The following DST variants were observed in gnomAD, a reference collection of about 807,000 sequenced individuals.
DST encodes the protein dystonin, also known as bullous pemphigoid antigen.
A neutral mutation model predicts 875.2 loss-of-function variants in DST; 253 were observed. The observed-to-expected ratio is 0.29, with a 90% confidence interval of 0.26 to 0.32. The LOEUF (loss-of-function observed/expected upper bound fraction) is 0.32, where lower values mean the gene tolerates loss of function less well. Ranked by LOEUF, DST falls within the 10% of genes least tolerant of loss-of-function variation. DST has a pLI of 1.00. For synonymous variants in DST, 3,124 were observed against 3,197.1 expected (o/e 0.98, Z 0.77); for missense variants, 8,287 against 9,111.6 (o/e 0.91, Z 3.68).
intron 96 of DST, 39 bp downstream of exon 96, chr6:56,470,089 T>C (rs1414965481): frequency 6.2e-7 from 1 of 1,608,898 alleles, no homozygotes; most frequent in Non-Finnish European, 8.5e-7. Flanking sequence ...TGGCAGAACA[T>C]ACTATCAGTG....
At chr6:56,615,676 C>A (rs1282511085) in intron 36 of DST, 1 of 1,614,070 alleles carries the variant, frequency 6.2e-7, no homozygotes. Context: ...TGACATATGA[C>A]TTTTGATCTT....
intron 36 of DST, chr6:56,615,863 A>G (rs1304100475): frequency 1.2e-6 from 2 of 1,614,094 alleles, no homozygotes; most frequent in South Asian, 2.2e-5. Flanking sequence ...CACTGACATC[A>G]TTTTGTTAGT....
chr6:56,690,843 A>G (rs980165144), intron 9 of DST, among the ~76,000 whole-genome samples: 2 of 152,208 alleles, frequency 1.3e-5, no homozygotes, highest in Non-Finnish European at 2.9e-5. Flanking sequence ...CCAAGGTAAC[A>G]GGAAGAATGT....
At position 56,463,630 on chromosome 6, in the gene DST, T is replaced by A; in HGVS notation, c.22894A>T (p.Thr7632Ser). ...TGCGCAGCCTGACTGGACACAGAAGTGGATCTGTTGGGTGAAGCGCCTCGT... is the reference window on the plus strand; with the variant it reads ...TGCGCAGCCTGACTGGACACAGAAGAGGATCTGTTGGGTGAAGCGCCTCGT... ...SSRGASPNRS[T>S]SVSSQAAQAA... Residue 7632 changes from threonine to serine, a missense_variant, in exon 101 of 104, where the codon ACT (threonine) becomes TCT (serine). Physicochemically the swap from Thr to Ser is moderately conservative, Grantham distance 58. Coordinates refer to ENST00000680361, the MANE Select transcript of DST (RefSeq NM_001374736.1). 6.2e-7 allele frequency: 1 copy of A among 1,613,476 alleles called. No individual in the cohort carries two copies. Among genetic ancestry groups the A allele is most frequent in the Non-Finnish European group, 8.5e-7 (1 of 1,179,554 alleles).
At chr6:56,562,351 T>C (rs2097549431) in intron 55 of DST, among the ~76,000 whole-genome samples, 151 bp from the exon 56 acceptor site, 1 of 152,026 alleles carries the variant, frequency 6.6e-6, no homozygotes, top group African/African-American at 2.4e-5. Flanking sequence ...AATGTAAATA[T>C]CAAACAATAT....
intron 49 of DST, among the ~76,000 whole-genome samples, chr6:56,586,265 T>C (rs1360458489): frequency 6.6e-6 from 1 of 151,650 alleles, no homozygotes; most frequent in Non-Finnish European, 1.5e-5. Context: ...ACTTGCTTTA[T>C]GAATCTGGGT....
At chr6:56,669,504 G>C (rs2099088952) in intron 10 of DST, among the ~76,000 whole-genome samples, 1 of 151,288 alleles carries the variant, frequency 6.6e-6, no homozygotes, top group African/African-American at 2.4e-5. Context: ...GCTGAGGCAG[G>C]AGAATCGCTT....
At chr6:56,778,445 C>T (rs144611902) in intron 4 of DST, among the ~76,000 whole-genome samples, 3 of 148,842 alleles carry the variant, frequency 2.0e-5, no homozygotes, top group Non-Finnish European at 4.4e-5. Flanking sequence ...AGGTTAGTTA[C>T]ATATGTATAC....
intron 10 of DST, among the ~76,000 whole-genome samples, chr6:56,658,348 C>T (rs80251726): frequency 0.078 from 11,859 of 152,268 alleles, 1,475 homozygotes; most frequent in African/African-American, 0.26. Context: ...GGACACACAT[C>T]CTGCAACCTG....
At chr6:56,618,605 T>C (rs1260509797) in intron 36 of DST, 1 of 1,614,082 alleles carries the variant, frequency 6.2e-7, no homozygotes. Flanking sequence ...TTGTTCACGA[T>C]ACTGTTGAAG....
intron 78 of DST, among the ~76,000 whole-genome samples, chr6:56,502,823 C>A (rs2096180500): frequency 1.3e-5 from 2 of 152,028 alleles, no homozygotes; most frequent in Admixed American, 1.3e-4. Context: ...TATGAAAATG[C>A]TACAATTTTA....
chr6:56,608,003 T>C lies in DST; in HGVS notation c.6625A>G (p.Ser2209Gly). ...KLFLSYLMIN[S>G]YMDANTGQRL... is the part of the protein sequence containing the mutation. Reference sequence around the variant, plus strand: ...TGCCCTGTGTTTGCATCCATATAGCTATTTATCATTAAATAAGATAGAAAT... The same window carrying C: ...TGCCCTGTGTTTGCATCCATATAGCCATTTATCATTAAATAAGATAGAAAT... Residue 2209 changes from serine to glycine, a missense_variant, in exon 40 of 104, where the codon AGC becomes GGC. Coordinates refer to ENST00000680361, the MANE Select transcript of DST (RefSeq NM_001374736.1). 1.2e-6 allele frequency: 2 copies of C among 1,613,210 alleles called. No individual in the cohort carries two copies. Among genetic ancestry groups the C allele is most frequent in the South Asian group, 2.2e-5 (2 of 91,004 alleles).
intron 69 of DST, among the ~76,000 whole-genome samples, chr6:56,521,217 T>G (rs2096692941): frequency 6.6e-6 from 1 of 151,980 alleles, no homozygotes; most frequent in Non-Finnish European, 1.5e-5. Flanking sequence ...CAGGTAAAAA[T>G]TGATTATGTG....
intron 4 of DST, among the ~76,000 whole-genome samples, chr6:56,844,753 A>G (rs1234803531): frequency 7.2e-5 from 11 of 151,904 alleles, no homozygotes; most frequent in Non-Finnish European, 1.6e-4. Flanking sequence ...GGTACCTATA[A>G]TCCCAGCTAC....
At chr6:56,625,098 A>C in intron 35 of DST, 59 bp downstream of exon 35, 1 of 1,205,336 alleles carries the variant, frequency 8.3e-7, no homozygotes, top group South Asian at 1.2e-5. Context: ...AATAAAATTT[A>C]AAAAGTAAGT....
In DST at chr6:56,511,173, T is replaced by C. The variant is rs181110339; in HGVS notation, c.18780+24A>G. 3.7e-5 allele frequency: 57 copies of C among 1,553,024 alleles called. No homozygotes were observed. In the East Asian group the frequency reaches 1.3e-3, roughly 35 times the overall value. ...GCTCTGTTGTCTGCAAGAACCCAAT[T>C]CTATATCTAGTGTAAACAATTACCT... On this transcript the variant is annotated intron_variant, in intron 73 of 103. Coordinates refer to ENST00000680361, the MANE Select transcript of DST (RefSeq NM_001374736.1).
At chr6:56,596,006 C>T (rs201376565) in intron 47 of DST, among the ~76,000 whole-genome samples, 1,457 of 68,164 alleles carry the variant, frequency 0.021, 27 homozygotes, top group African/African-American at 0.049. Context: ...GACTTTCTTT[C>T]TTTTATTTAT....
chr6:56,764,991 G>A (rs139907771), intron 4 of DST, among the ~76,000 whole-genome samples: 9 of 98,700 alleles, frequency 9.1e-5, no homozygotes, highest in African/African-American at 3.6e-4. Flanking sequence ...GGGAGGGAGG[G>A]AGGGAGGAAG....
At chr6:56,616,787 A>G in intron 36 of DST, 5 of 1,614,164 alleles carry the variant, frequency 3.1e-6, no homozygotes, top group Non-Finnish European at 4.2e-6. Flanking sequence ...AGCTTGAAAC[A>G]CTGACAATGT....
Sources: allele counts gnomAD v4.1 joint callset (sites outside exome capture counted in the v4.1 genomes callset), GRCh38; gene constraint gnomAD v4.1.1; transcripts MANE v1.5; gene names NCBI Gene and HGNC (gene_info 2026-07-23, HGNC 2026-07-21).